SRPK1: variants seen among roughly 807,000 people sequenced by gnomAD.
SRPK1 encodes SFRS protein kinase 1.
A neutral mutation model predicts 89.5 loss-of-function variants in SRPK1; 52 were observed. The ratio of observed to expected loss-of-function variants is 0.58; its 90% confidence interval spans 0.46 to 0.73. The LOEUF (loss-of-function observed/expected upper bound fraction) is 0.73. Among genes scored for constraint, SRPK1 ranks in the 30% least tolerant of loss-of-function variants. SRPK1 has a pLI of 0.00. For missense variants in SRPK1, 603 were observed against 780.6 expected, an observed-to-expected ratio of 0.77 and a Z score of 2.71; for synonymous variants, 255 against 270.2, an observed-to-expected ratio of 0.94 and a Z score of 0.55.
chr6:35,880,789 GA>G (rs35013856), intron 6 of SRPK1, among the ~76,000 whole-genome samples: 1,378 of 107,482 alleles, frequency 0.013, 17 homozygotes, highest in Non-Finnish European at 0.021. Context: ...CAGAATATTT[GA>G]AAAAAAAAAC....
chr6:35,837,034 A>G (rs769751461), intron 15 of SRPK1, among the ~76,000 whole-genome samples: 3 of 152,168 alleles, frequency 2.0e-5, no homozygotes, highest in Non-Finnish European at 4.4e-5. Flanking sequence ...GAAAAAGGGA[A>G]CCATGGCACA....
At chr6:35,890,589 G>C (rs1770499649) in intron 3 of SRPK1, among the ~76,000 whole-genome samples, 1 of 152,138 alleles carries the variant, frequency 6.6e-6, no homozygotes. Flanking sequence ...TGTTATCACT[G>C]GTTATATGTG....
intron 2 of SRPK1, among the ~76,000 whole-genome samples, chr6:35,908,300 T>C (rs1770892470): frequency 6.6e-6 from 1 of 152,210 alleles, no homozygotes; most frequent in Non-Finnish European, 1.5e-5. Context: ...TGGAGCTTCC[T>C]AGAGACTTGC....
At chr6:35,887,791 T>G (rs1032630651) in intron 5 of SRPK1, 4 of 351,578 alleles carry the variant, frequency 1.1e-5, no homozygotes, top group South Asian at 2.9e-4. Context: ...TTTGAAAGGT[T>G]TTTTTTTGGT....
intron 15 of SRPK1, among the ~76,000 whole-genome samples, chr6:35,836,089 G>C (rs901539587): frequency 2.6e-5 from 4 of 152,146 alleles, no homozygotes; most frequent in African/African-American, 9.7e-5. Context: ...TGTCAGGTCT[G>C]CACAGCAGCA....
At chr6:35,865,548 T>A (rs969599700) in intron 12 of SRPK1, among the ~76,000 whole-genome samples, 1 of 152,104 alleles carries the variant, frequency 6.6e-6, no homozygotes, top group East Asian at 1.9e-4. Flanking sequence ...CCTAAAACTA[T>A]ACAAGGTTAC....
rs917816175 is a variant in SRPK1, at chr6:35,907,758, A to G, written c.74+12710T>C. On this transcript the variant is annotated intron_variant, in intron 2 of 15. Transcript: ENST00000373825. The stretch of plus-strand genomic sequence containing the variant: ...TAAGTAAGATGGAGTGAACACATGA[A>G]TAACAAGAAAGAGGAACAGCCTTGA... Among the ~76,000 whole-genome samples, 6 of 152,184 alleles carry G rather than the reference A, an allele frequency of 3.9e-5. No individual in the cohort carries two copies. The East Asian group carries it at 1.2e-3, about 29-fold the overall frequency.
intron 2 of SRPK1, among the ~76,000 whole-genome samples, chr6:35,895,037 G>GA (rs1223186201): frequency 6.6e-6 from 1 of 151,790 alleles, no homozygotes; most frequent in East Asian, 1.9e-4. Flanking sequence ...AGATTCCGGG[G>GA]AAAAAAACAA....
intron 6 of SRPK1, 47 bp from the exon 7 acceptor site, chr6:35,874,386 G>T: frequency 7.7e-7 from 1 of 1,306,534 alleles, no homozygotes; most frequent in Non-Finnish European, 1.1e-6. Context: ...AGAAGAACAC[G>T]GCAAGACAAG....
rs1476081984 is a variant in SRPK1 at position 35,839,641 on chromosome 6, T to C, written c.1691-1212A>G. On this transcript the variant is annotated intron_variant, in intron 14 of 15. Coordinates refer to ENST00000373825, the MANE Select transcript of SRPK1 (RefSeq NM_003137.5). Reference sequence around the variant, plus strand: ...CAGGTAGATCTACTGCCCCCCCCCTTTTTTTTTTCTCTCTGCAGGTGACAG... The same window carrying C: ...CAGGTAGATCTACTGCCCCCCCCCTCTTTTTTTTCTCTCTGCAGGTGACAG... Among the ~76,000 whole-genome samples, 17 of 73,510 alleles carry C rather than the reference T, an allele frequency of 2.3e-4. 1 individual carries two copies. Among genetic ancestry groups the C allele is most frequent in the Non-Finnish European group, 3.4e-4 (11 of 32,818 alleles). 48.2% of individuals were successfully genotyped at this position (73,510 alleles called of 152,430 possible).
At chr6:35,872,880 T>G (rs1369296771) in intron 7 of SRPK1, among the ~76,000 whole-genome samples, 152 bp from the exon 8 acceptor site, 4 of 151,950 alleles carry the variant, frequency 2.6e-5, no homozygotes, top group Non-Finnish European at 5.9e-5. Context: ...ACAAATAAAC[T>G]TTCTCAGAAA....
chr6:35,881,608 T>C (rs1163330866), intron 6 of SRPK1, among the ~76,000 whole-genome samples: 1 of 151,876 alleles, frequency 6.6e-6, no homozygotes. Context: ...GCTATACTAA[T>C]ATCAGACAAA....
chr6:35,893,288 C>T (rs1297032286), intron 2 of SRPK1, among the ~76,000 whole-genome samples: 1 of 152,150 alleles, frequency 6.6e-6, no homozygotes, highest in Non-Finnish European at 1.5e-5. Flanking sequence ...AGTTCAAGAC[C>T]AGCCTGGGAA....
At chr6:35,861,824 A>G (rs1769788871) in intron 12 of SRPK1, among the ~76,000 whole-genome samples, 2 of 152,128 alleles carry the variant, frequency 1.3e-5, no homozygotes, top group Admixed American at 1.3e-4. Context: ...AACTCCCCAC[A>G]GTTTCTTGCC....
At chr6:35,883,432 T>C (rs183687213) in intron 6 of SRPK1, among the ~76,000 whole-genome samples, 7 of 151,038 alleles carry the variant, frequency 4.6e-5, no homozygotes, top group African/African-American at 1.5e-4. Context: ...AAAAAAATTA[T>C]CAAAACAAGA....
intron 5 of SRPK1, among the ~76,000 whole-genome samples, chr6:35,887,191 C>A (rs1002634375): frequency 1.3e-5 from 2 of 151,868 alleles, no homozygotes; most frequent in Non-Finnish European, 2.9e-5. Context: ...AAAACTTTCT[C>A]AATGAAGAAA....
intron 13 of SRPK1, among the ~76,000 whole-genome samples, chr6:35,851,642 A>G (rs1769558111): frequency 6.6e-6 from 1 of 152,202 alleles, no homozygotes; most frequent in South Asian, 2.1e-4. Flanking sequence ...GTGTAGGGTG[A>G]AACAAGCATT....
chr6:35,883,737 A>ATT (rs747075892), intron 6 of SRPK1, among the ~76,000 whole-genome samples: 1 of 143,376 alleles, frequency 7.0e-6, no homozygotes, highest in Non-Finnish European at 1.5e-5. Context: ...TCACAAGGTT[A>ATT]TTTTTTTTTT....
chr6:35,866,685 G>A (rs1769912237), intron 12 of SRPK1, among the ~76,000 whole-genome samples: 1 of 152,132 alleles, frequency 6.6e-6, no homozygotes, highest in Admixed American at 6.5e-5. Flanking sequence ...CTGGGTATCT[G>A]CACAAAGGAA....
Sources: gnomAD v4.1 joint callset for allele counts (sites outside exome capture counted in the v4.1 genomes callset) on GRCh38, gnomAD v4.1.1 for gene constraint, MANE v1.5 for transcripts, NCBI Gene and HGNC (gene_info 2026-07-23, HGNC 2026-07-21) for gene names.